PRSS55: variants seen among roughly 807,000 people sequenced by gnomAD.
PRSS55 encodes the protein probable serine protease UNQ9391/PRO34284.
Under a neutral mutation model 23.6 loss-of-function variants are expected in PRSS55, and 41 were observed. The observed-to-expected ratio is 1.74, with a 90% confidence interval of 1.35 to 2.26. PRSS55 has a LOEUF of 2.26. Among genes scored for constraint, PRSS55 ranks in the 30% most tolerant of loss-of-function variants. The pLI, the probability that PRSS55 is intolerant of heterozygous loss-of-function variation, is 0.00. For synonymous variants in PRSS55, 262 were observed against 175.5 expected, an observed-to-expected ratio of 1.49 and a Z score of -3.90; for missense variants, 669 against 439.1, an observed-to-expected ratio of 1.52 and a Z score of -4.68.
Position 10,527,051 on chromosome 8 carries a change from G to A in PRSS55, c.154+1312G>A, listed in dbSNP as rs78073463. Reference sequence around the variant, plus strand: ...CATCCAACCCAGCTCATACACACTCGGCATGTTCATGTACTTCCTTCCATA... The same window carrying A: ...CATCCAACCCAGCTCATACACACTCAGCATGTTCATGTACTTCCTTCCATA... On this transcript the variant is annotated intron_variant, in intron 1 of 4. Coordinates refer to ENST00000328655, the MANE Select transcript of PRSS55 (RefSeq NM_198464.4). Among the ~76,000 whole-genome samples the A allele has an allele frequency of 3.3e-5, 5 of 152,176 alleles. No homozygotes were observed. In the East Asian group the frequency reaches 9.7e-4, roughly 29 times the overall value.
intron 4 of PRSS55, among the ~76,000 whole-genome samples, chr8:10,553,748 T>C (rs1188120684): frequency 6.6e-6 from 1 of 152,230 alleles, no homozygotes; most frequent in Non-Finnish European, 1.5e-5. Flanking sequence ...TAATAATGTA[T>C]TATAGACCGG....
At chr8:10,536,395 T>C (rs1563541817) in intron 4 of PRSS55, among the ~76,000 whole-genome samples, 1 of 152,282 alleles carries the variant, frequency 6.6e-6, no homozygotes, top group East Asian at 1.9e-4. Context: ...GAAAAGAGAA[T>C]GCTTCTACAC....
chr8:10,537,280 G>A (rs2069806868), intron 4 of PRSS55, among the ~76,000 whole-genome samples: 1 of 152,246 alleles, frequency 6.6e-6, no homozygotes, highest in East Asian at 1.9e-4. Context: ...ATACACGACG[G>A]AATATTATTC....
chr8:10,550,334 G>A (rs1812924914), intron 4 of PRSS55, among the ~76,000 whole-genome samples: 1 of 152,200 alleles, frequency 6.6e-6, no homozygotes, highest in Non-Finnish European at 1.5e-5. Flanking sequence ...TGCAAGGCTG[G>A]TTATGGCCAA....
intron 4 of PRSS55, 99 bp from the exon 5 acceptor site, chr8:10,538,377 T>G (rs1213358861): frequency 4.3e-6 from 4 of 939,794 alleles, no homozygotes; most frequent in Non-Finnish European, 6.4e-6. Context: ...GCAGCCAGAG[T>G]TGGGGAGGCT....
chr8:10,530,991 T>G (rs1023326260), intron 2 of PRSS55, among the ~76,000 whole-genome samples: 1 of 152,194 alleles, frequency 6.6e-6, no homozygotes, highest in Non-Finnish European at 1.5e-5. Context: ...GTGGGCTGTG[T>G]AGAGTGCTCT....
intron 1 of PRSS55, chr8:10,529,294 T>C (rs1812155820): frequency 1.2e-5 from 7 of 602,320 alleles, no homozygotes; most frequent in South Asian, 7.8e-5. Flanking sequence ...CTTCTGACTC[T>C]ATCTGTTGCT....
chr8:10,536,232 A>G lies in PRSS55; in HGVS notation c.742-2244A>G, dbSNP rs145860801. Among the ~76,000 whole-genome samples the G allele has an allele frequency of 3.7e-4, 57 of 152,280 alleles. 1 individual carries two copies. Among genetic ancestry groups the G allele is most frequent in the African/African-American group, 1.2e-3 (50 of 41,560 alleles). On this transcript the variant is annotated intron_variant, in intron 4 of 4. Coordinates refer to ENST00000328655, the MANE Select transcript of PRSS55 (RefSeq NM_198464.4). ...AGACACTTCTCAAAAGAAGACATACATGCAGCCAACAAGCATATGAAAAAA... is the reference window on the plus strand; with the variant it reads ...AGACACTTCTCAAAAGAAGACATACGTGCAGCCAACAAGCATATGAAAAAA...
chr8:10,544,814 T>A (rs1812773154), intron 4 of PRSS55, among the ~76,000 whole-genome samples: 1 of 152,242 alleles, frequency 6.6e-6, no homozygotes, highest in Non-Finnish European at 1.5e-5. Context: ...CTCCTCTTTT[T>A]TTTGCTATTA....
chr8:10,530,963 C>T (rs755899718), intron 2 of PRSS55, among the ~76,000 whole-genome samples: 53 of 152,246 alleles, frequency 3.5e-4, no homozygotes, highest in Middle Eastern at 3.4e-3. Context: ...CAGTTTGATC[C>T]GTGCCAAGTG....
chr8:10,529,135 G>C (rs915492558), intron 1 of PRSS55, among the ~76,000 whole-genome samples: 3 of 152,192 alleles, frequency 2.0e-5, no homozygotes, highest in Admixed American at 2.0e-4. Flanking sequence ...ATTGGAACTT[G>C]GACCTCTTTG....
chr8:10,551,513 CT>C (rs1172663559), intron 4 of PRSS55, among the ~76,000 whole-genome samples: 1 of 152,184 alleles, frequency 6.6e-6, no homozygotes, highest in Non-Finnish European at 1.5e-5. Context: ...GAGGCATGAA[CT>C]GAGGACACAA....
downstream of PRSS55, among the ~76,000 whole-genome samples, chr8:10,542,487 T>C (rs1812686256): frequency 6.6e-6 from 1 of 151,112 alleles, no homozygotes; most frequent in Non-Finnish European, 1.5e-5. Flanking sequence ...GGATAACTGC[T>C]GATGTTAATG....
At chr8:10,529,786 G>C (rs994901311) in intron 2 of PRSS55, 87 bp downstream of exon 2, 1 of 1,327,422 alleles carries the variant, frequency 7.5e-7, no homozygotes, top group Admixed American at 1.9e-5. Context: ...GTGGCTGAGA[G>C]GAACCTGCGA....
downstream of PRSS55, among the ~76,000 whole-genome samples, chr8:10,542,068 G>A (rs758180936): frequency 3.3e-5 from 5 of 152,266 alleles, no homozygotes; most frequent in South Asian, 6.2e-4. Flanking sequence ...TTAAGTCACC[G>A]CACCTGGCCC....
At chr8:10,528,182 G>C (rs1419929247) in intron 1 of PRSS55, among the ~76,000 whole-genome samples, 1 of 145,184 alleles carries the variant, frequency 6.9e-6, no homozygotes, top group Non-Finnish European at 1.5e-5. Flanking sequence ...CTGGGCGATA[G>C]AGCAAGACTT....
chr8:10,541,875 C>G (rs1261031974), downstream of PRSS55, among the ~76,000 whole-genome samples: 2 of 152,174 alleles, frequency 1.3e-5, no homozygotes, highest in Admixed American at 1.3e-4. Flanking sequence ...CTCAGCCTCT[C>G]TAATAGCTGA....
intron 4 of PRSS55, among the ~76,000 whole-genome samples, chr8:10,537,198 T>A (rs1812486401): frequency 1.3e-5 from 2 of 152,214 alleles, no homozygotes; most frequent in Non-Finnish European, 2.9e-5. Flanking sequence ...GGAGCACTAT[T>A]CACAATAGCC....
intron 4 of PRSS55, among the ~76,000 whole-genome samples, chr8:10,548,283 A>C (rs1415900207): frequency 2.0e-5 from 3 of 152,092 alleles, no homozygotes; most frequent in African/African-American, 7.2e-5. Flanking sequence ...CGAGGGCTTC[A>C]GTGTCTCCCT....
Sources: allele counts gnomAD v4.1 joint callset (sites outside exome capture counted in the v4.1 genomes callset), GRCh38; gene constraint gnomAD v4.1.1; transcripts MANE v1.5; gene names NCBI Gene and HGNC (gene_info 2026-07-23, HGNC 2026-07-21).